The following SLC24A3 variants were observed in gnomAD, a reference collection of about 807,000 sequenced individuals.
SLC24A3 encodes solute carrier family 24 member 3, also known as sodium/potassium/calcium exchanger 3.
Under a neutral mutation model 75.8 loss-of-function variants are expected in SLC24A3, and 28 were observed. The observed-to-expected ratio is 0.37, with a 90% CI of 0.27 to 0.51. The LOEUF (loss-of-function observed/expected upper bound fraction) is 0.51. Ranked by LOEUF, SLC24A3 falls within the 20% of genes least tolerant of loss-of-function variation. The probability of loss-of-function intolerance (pLI) is 0.94; values close to 1 mark genes in which losing one functional copy is unlikely to be tolerated. For synonymous variants in SLC24A3, 372 were observed against 334.1 expected (o/e 1.11, Z -1.24); for missense variants, 663 against 847.8 (o/e 0.78, Z 2.71).
At chr20:19,540,226 A>G (rs2030471503) in intron 3 of SLC24A3, among the ~76,000 whole-genome samples, 1 of 152,162 alleles carries the variant, frequency 6.6e-6, no homozygotes, top group Non-Finnish European at 1.5e-5. Flanking sequence ...ATCCCAAGCC[A>G]TGCAGTAAAA....
chr20:19,464,405 G>GCA (rs3058635), intron 2 of SLC24A3, among the ~76,000 whole-genome samples: 82,640 of 151,960 alleles, frequency 0.54, 22,656 homozygotes, highest in Non-Finnish European at 0.57. Context: ...ACACACACAT[G>GCA]CACACACACA....
chr20:19,521,287 G>T (rs189997338), intron 3 of SLC24A3, among the ~76,000 whole-genome samples: 1 of 152,272 alleles, frequency 6.6e-6, no homozygotes, highest in African/African-American at 2.4e-5. Context: ...CTAATTTATA[G>T]TCCCCAGAAG....
intron 1 of SLC24A3, among the ~76,000 whole-genome samples, chr20:19,236,976 G>T (rs16980233): frequency 2.0e-5 from 3 of 152,016 alleles, no homozygotes; most frequent in African/African-American, 4.8e-5. Flanking sequence ...TATTCTCCAA[G>T]GAACTACCTA....
At chr20:19,677,293 CAAA>C (rs5840854) in intron 9 of SLC24A3, among the ~76,000 whole-genome samples, 5 of 102,592 alleles carry the variant, frequency 4.9e-5, no homozygotes, top group Non-Finnish European at 4.3e-5. Flanking sequence ...GACCCCGTTC[CAAA>C]AAAAAAAAAA....
At chr20:19,654,646 T>A (rs540101359) in intron 7 of SLC24A3, among the ~76,000 whole-genome samples, 1 of 142,858 alleles carries the variant, frequency 7.0e-6, no homozygotes, top group East Asian at 2.0e-4. Flanking sequence ...GAATCCTTTT[T>A]TTTTTTTTTT....
At chr20:19,253,692 A>G (rs1982729198) in intron 1 of SLC24A3, among the ~76,000 whole-genome samples, 1 of 152,202 alleles carries the variant, frequency 6.6e-6, no homozygotes, top group South Asian at 2.1e-4. Flanking sequence ...GTTGCATGAG[A>G]ACCTATTGTG....
chr20:19,717,381 G>T, intron 15 of SLC24A3, 147 bp from the exon 16 acceptor site: 1 of 714,668 alleles, frequency 1.4e-6, no homozygotes, highest in Non-Finnish European at 2.4e-6. Flanking sequence ...TGTGGAGCTG[G>T]CTGCTGAAGC....
chr20:19,557,007 T>C (rs1165147550), intron 3 of SLC24A3, among the ~76,000 whole-genome samples: 5 of 152,130 alleles, frequency 3.3e-5, no homozygotes, highest in Admixed American at 3.3e-4. Context: ...ATGCCCAAGG[T>C]TCTCTGGGCT....
At chr20:19,452,769 C>T (rs1568622153) in intron 2 of SLC24A3, among the ~76,000 whole-genome samples, 1 of 152,036 alleles carries the variant, frequency 6.6e-6, no homozygotes, top group African/African-American at 2.4e-5. Flanking sequence ...AATCTCAGCA[C>T]TTTGGGAGAC....
intron 2 of SLC24A3, among the ~76,000 whole-genome samples, chr20:19,426,358 T>C (rs186213824): frequency 1.1e-4 from 17 of 152,354 alleles, no homozygotes; most frequent in Admixed American, 9.8e-4. Flanking sequence ...CATGTCCCAC[T>C]ATGGGCGTAC....
intron 6 of SLC24A3, among the ~76,000 whole-genome samples, chr20:19,587,984 C>G (rs1235635969): frequency 1.3e-5 from 2 of 152,108 alleles, no homozygotes; most frequent in Non-Finnish European, 2.9e-5. Flanking sequence ...ATCTAACAGT[C>G]AAGGGTGTCC....
rs144950574 is a variant in SLC24A3 at position 19,640,577 on chromosome 20, C to T, written c.613-13485C>T. Among the ~76,000 whole-genome samples the T allele has an allele frequency of 6.9e-3, 1,051 of 152,168 alleles. 11 individuals carry two copies. Among genetic ancestry groups the T allele is most frequent in the African/African-American group, 0.024 (999 of 41,512 alleles). The stretch of plus-strand genomic sequence containing the variant: ...CCAGCCTGCCCAACATGGTGGAACC[C>T]CTTTTCTACTGAAAATACAAAAATT... On this transcript the variant is annotated intron_variant, in intron 6 of 16. Transcript: ENST00000328041.
At chr20:19,216,097 A>G (rs1054458703) in intron 1 of SLC24A3, among the ~76,000 whole-genome samples, 16 of 152,208 alleles carry the variant, frequency 1.1e-4, no homozygotes, top group African/African-American at 3.6e-4. Context: ...GTGGAAAGCA[A>G]TGAGCTCTAG....
rs1224827674 is a variant in SLC24A3, at chr20:19,685,287, A to G, written c.1250A>G (p.Asp417Gly). Reference protein sequence around the residue: ...AGNETENENEDNENDEEEEED... With the variant: ...AGNETENENEGNENDEEEEED... ...AACGAAACAGAGAATGAAAATGAGG[A>G]CAATGAGAATGATGAGGAGGAAGAG... Residue 417 changes from aspartate to glycine, a missense_variant, in exon 12 of 17, where the codon GAC (aspartate) becomes GGC (glycine). Transcript: ENST00000328041. 3.1e-6 allele frequency: 5 copies of G among 1,613,998 alleles called. No individual in the cohort carries two copies. Among genetic ancestry groups the G allele is most frequent in the Admixed American group, 3.3e-5 (2 of 60,004 alleles).
At chr20:19,273,645 T>C (rs1983395062) in intron 1 of SLC24A3, among the ~76,000 whole-genome samples, 1 of 152,084 alleles carries the variant, frequency 6.6e-6, no homozygotes. Context: ...AGATGCAGAT[T>C]CTGACTCTGG....
At chr20:19,216,355 A>G (rs1359612695) in intron 1 of SLC24A3, among the ~76,000 whole-genome samples, 1 of 152,142 alleles carries the variant, frequency 6.6e-6, no homozygotes, top group Non-Finnish European at 1.5e-5. Flanking sequence ...GTAATTCTAG[A>G]CTTTCTCTCT....
chr20:19,517,127 G>A (rs1401417568), intron 3 of SLC24A3, among the ~76,000 whole-genome samples: 1 of 152,170 alleles, frequency 6.6e-6, no homozygotes, highest in Non-Finnish European at 1.5e-5. Flanking sequence ...TGCCTTTCAG[G>A]GAAGTTGTGT....
At chr20:19,525,155 G>T (rs1237377574) in intron 3 of SLC24A3, among the ~76,000 whole-genome samples, 6 of 152,158 alleles carry the variant, frequency 3.9e-5, no homozygotes, top group African/African-American at 1.2e-4. Context: ...ATATAGTAGA[G>T]ACTCCAGATA....
intron 12 of SLC24A3, among the ~76,000 whole-genome samples, chr20:19,689,294 TTC>T (rs1052212364): frequency 6.6e-6 from 1 of 152,266 alleles, no homozygotes; most frequent in Non-Finnish European, 1.5e-5. Flanking sequence ...CAATAACTTT[TTC>T]TCTCTTTGAT....
Sources: allele counts gnomAD v4.1 joint callset (sites outside exome capture counted in the v4.1 genomes callset), GRCh38; gene constraint gnomAD v4.1.1; transcripts MANE v1.5; gene names NCBI Gene and HGNC (gene_info 2026-07-23, HGNC 2026-07-21).